Variants in IQCJ observed in about 807,000 individuals in gnomAD.
IQCJ encodes IQ motif containing J.
A neutral mutation model predicts 11.0 loss-of-function variants in IQCJ; 9 were observed. That is an observed-to-expected ratio of 0.82 (90% CI 0.49 to 1.43). The LOEUF (loss-of-function observed/expected upper bound fraction) is 1.43, where lower values mean the gene tolerates loss of function less well. Among genes scored for constraint, IQCJ ranks in the 40% most tolerant of loss-of-function variants. IQCJ has a pLI of 0.00. For synonymous variants in IQCJ, 55 were observed against 51.3 expected, an observed-to-expected ratio of 1.07 and a Z score of -0.31; for missense variants, 146 against 133.2, an observed-to-expected ratio of 1.10 and a Z score of -0.47.
chr3:159,234,541 T>C (rs1390317977), intron 1 of IQCJ, among the ~76,000 whole-genome samples: 2 of 152,190 alleles, frequency 1.3e-5, no homozygotes, highest in Non-Finnish European at 2.9e-5. Flanking sequence ...CGGTGATTCA[T>C]GCCTGTAATC....
intron 1 of IQCJ, among the ~76,000 whole-genome samples, chr3:159,243,063 G>C (rs1424289671): frequency 6.6e-6 from 1 of 152,114 alleles, no homozygotes; most frequent in Non-Finnish European, 1.5e-5. Context: ...ACAAATCCAG[G>C]AGAATAACTA....
chr3:159,186,713 G>C (rs1560017935), intron 1 of IQCJ, among the ~76,000 whole-genome samples: 1 of 152,194 alleles, frequency 6.6e-6, no homozygotes, highest in Non-Finnish European at 1.5e-5. Flanking sequence ...TCAACATACT[G>C]AATTGCTATT....
At chr3:159,156,138 C>T (rs1344606758) in intron 1 of IQCJ, among the ~76,000 whole-genome samples, 3 of 152,190 alleles carry the variant, frequency 2.0e-5, no homozygotes, top group Non-Finnish European at 2.9e-5. Flanking sequence ...TATCTAATCC[C>T]TACATGTTTT....
intron 1 of IQCJ, among the ~76,000 whole-genome samples, chr3:159,217,120 G>T (rs1374121390): frequency 1.3e-5 from 2 of 152,048 alleles, no homozygotes; most frequent in East Asian, 3.9e-4. Context: ...TCACCACCTA[G>T]GAAGTTTTAA....
rs116433026 is a variant in IQCJ, at chr3:159,213,842, T to C, written c.10-32001T>C. On this transcript the variant is annotated intron_variant, in intron 1 of 3. Transcript: ENST00000397832. ...CAGTTTTCCATTCTTAACTTCTTTA[T>C]CATTTGTGGCCTCTTTTTGGAAACT... 6.2e-3 allele frequency among the ~76,000 whole-genome samples: 943 copies of C among 152,280 alleles called. 8 individuals are homozygous for C. The highest frequency in any genetic ancestry group is 0.022 in the African/African-American group (918 of 41,552).
At chr3:159,138,259 CAG>C (rs1720410351) in intron 1 of IQCJ, among the ~76,000 whole-genome samples, 1 of 152,174 alleles carries the variant, frequency 6.6e-6, no homozygotes, top group African/African-American at 2.4e-5. Context: ...CACTGGCAGT[CAG>C]AGTCCGTTAA....
intron 1 of IQCJ, among the ~76,000 whole-genome samples, chr3:159,228,492 T>G (rs575431079): frequency 1.3e-5 from 2 of 152,318 alleles, no homozygotes; most frequent in East Asian, 3.9e-4. Context: ...CTTGTGGACT[T>G]TAAAAAGTGA....
intron 1 of IQCJ, among the ~76,000 whole-genome samples, chr3:159,128,913 T>TTCCTGTTTCTGTCTTTGCTC (rs1176896284): frequency 4.6e-5 from 7 of 152,190 alleles, no homozygotes; most frequent in African/African-American, 1.7e-4. Flanking sequence ...GCCCTTTGTT[T>TTCCTGTTTCTGTCTTTGCTC]TCCTGTTTCT....
chr3:159,117,179 C>G (rs528627775), intron 1 of IQCJ, among the ~76,000 whole-genome samples: 44 of 152,164 alleles, frequency 2.9e-4, no homozygotes, highest in Admixed American at 9.2e-4. Context: ...TGTCACTAAT[C>G]CCCTTAGTCA....
intron 1 of IQCJ, among the ~76,000 whole-genome samples, chr3:159,159,166 T>C (rs540757374): frequency 6.6e-6 from 1 of 152,272 alleles, no homozygotes; most frequent in East Asian, 1.9e-4. Flanking sequence ...CTGAATGATT[T>C]TGGTGGACTC....
chr3:159,244,775 G>A (rs1431032382), intron 1 of IQCJ, among the ~76,000 whole-genome samples: 2 of 152,136 alleles, frequency 1.3e-5, no homozygotes, highest in African/African-American at 4.8e-5. Context: ...GGAGACTTGG[G>A]TGTCTGGTGG....
intron 3 of IQCJ, among the ~76,000 whole-genome samples, chr3:159,255,963 T>C (rs1727870255): frequency 6.6e-6 from 1 of 152,130 alleles, no homozygotes; most frequent in Non-Finnish European, 1.5e-5. Context: ...GGAACAAGCT[T>C]TGGGGGATGA....
intron 1 of IQCJ, among the ~76,000 whole-genome samples, chr3:159,191,806 A>G (rs1448144198): frequency 2.6e-5 from 4 of 152,206 alleles, no homozygotes; most frequent in African/African-American, 9.7e-5. Flanking sequence ...TACTCTGGCC[A>G]AGGTTAAAAA....
chr3:159,112,523 G>T (rs1718693274), intron 1 of IQCJ, among the ~76,000 whole-genome samples: 1 of 152,160 alleles, frequency 6.6e-6, no homozygotes, highest in African/African-American at 2.4e-5. Context: ...CCTTTGGAAA[G>T]AACCTTAATA....
intron 3 of IQCJ, among the ~76,000 whole-genome samples, chr3:159,261,854 A>G (rs1728228887): frequency 6.6e-6 from 1 of 152,254 alleles, no homozygotes; most frequent in Non-Finnish European, 1.5e-5. Flanking sequence ...ATGACATTAC[A>G]TTAATTCTCT....
chr3:159,163,347 GA>G, intron 1 of IQCJ, among the ~76,000 whole-genome samples: 1 of 152,272 alleles, frequency 6.6e-6, no homozygotes, highest in South Asian at 2.1e-4. Flanking sequence ...AATAGATGCA[GA>G]AAAGGCCTTT....
At chr3:159,180,320 C>T (rs1302920627) in intron 1 of IQCJ, among the ~76,000 whole-genome samples, 4 of 152,160 alleles carry the variant, frequency 2.6e-5, no homozygotes, top group Non-Finnish European at 5.9e-5. Context: ...CTCTGTCACA[C>T]ACACATATAC....
chr3:159,232,193 C>G (rs1560035480), intron 1 of IQCJ, among the ~76,000 whole-genome samples: 2 of 151,942 alleles, frequency 1.3e-5, no homozygotes, highest in Non-Finnish European at 2.9e-5. Context: ...TTTGTTTGCT[C>G]TCGCTTTTCT....
chr3:159,158,644 T>C (rs1054624539), intron 1 of IQCJ, among the ~76,000 whole-genome samples: 7 of 152,200 alleles, frequency 4.6e-5, no homozygotes, highest in South Asian at 2.1e-4. Context: ...CATTTTTGTT[T>C]TTACTAACCT....
Sources: allele counts gnomAD v4.1 joint callset (sites outside exome capture counted in the v4.1 genomes callset), GRCh38; gene constraint gnomAD v4.1.1; transcripts MANE v1.5; gene names NCBI Gene and HGNC (gene_info 2026-07-23, HGNC 2026-07-21).